The following PBK variants were observed in gnomAD, a reference collection of about 807,000 sequenced individuals.
PBK encodes the protein lymphokine-activated killer T-cell-originated protein kinase.
In PBK, 22 loss-of-function variants were observed where a neutral mutation model predicts 33.5. The ratio of observed to expected loss-of-function variants is 0.66; its 90% CI spans 0.47 to 0.94. PBK has a LOEUF of 0.94. Ranked by LOEUF, PBK falls within the 40% of genes least tolerant of loss-of-function variation. The pLI is 0.00. For missense variants in PBK, 376 were observed against 383.4 expected, an observed-to-expected ratio of 0.98 and a Z score of 0.16; for synonymous variants, 129 against 123.8, an observed-to-expected ratio of 1.04 and a Z score of -0.28.
At position 27,820,572 on chromosome 8, in the gene PBK, AT is replaced by A; in HGVS notation, c.587del (p.Asn196IlefsTer2). On this transcript the variant is annotated frameshift_variant, in exon 6 of 8. Coordinates refer to ENST00000301905, the MANE Select transcript of PBK (RefSeq NM_018492.4). LOFTEE classifies it high-confidence loss of function. ...DVGVSLPLDE[N>X]MTVTDPEACY... Reference sequence around the variant, plus strand: ...CTTAAGAGTACAACTTACCAGTCATATTTTCATCCAGTGGTAGAGAGACTCC... The same window carrying A: ...CTTAAGAGTACAACTTACCAGTCATATTTCATCCAGTGGTAGAGAGACTCC... The A allele has an allele frequency of 6.4e-7, 1 of 1,564,914 alleles. No homozygotes were observed. The highest frequency in any genetic ancestry group is 8.7e-7 in the Non-Finnish European group (1 of 1,149,246).
intron 2 of PBK, among the ~76,000 whole-genome samples, chr8:27,829,543 G>T (rs1806087935): frequency 6.6e-6 from 1 of 152,172 alleles, no homozygotes; most frequent in African/African-American, 2.4e-5. Context: ...CATGAAAGCA[G>T]CAAGAAAATA....
chr8:27,836,788 C>T (rs1180255436), intron 1 of PBK, among the ~76,000 whole-genome samples: 1 of 152,186 alleles, frequency 6.6e-6, no homozygotes, highest in Non-Finnish European at 1.5e-5. Context: ...AAACAGAAGT[C>T]GTAACATTTC....
At chr8:27,813,951 AC>A (rs112361624) in intron 6 of PBK, among the ~76,000 whole-genome samples, 2,927 of 152,226 alleles carry the variant, frequency 0.019, 102 homozygotes, top group African/African-American at 0.067. Context: ...TAGCAGGTGT[AC>A]ATGTTTATGT....
chr8:27,821,158 C>T (rs1805919870), intron 5 of PBK, among the ~76,000 whole-genome samples: 1 of 151,838 alleles, frequency 6.6e-6, no homozygotes, highest in Non-Finnish European at 1.5e-5. Flanking sequence ...GAGAAGGGAA[C>T]ATCCCATGTT....
rs1450936343 is a variant in PBK at position 27,810,291 on chromosome 8, A to G, written c.*14T>C. On this transcript the variant is annotated 3_prime_UTR_variant, in exon 8 of 8. Coordinates refer to ENST00000301905, the MANE Select transcript of PBK (RefSeq NM_018492.4). ...CAGTTATTTACGCAAGCCACACTTCAGCTGAGATGATCACTAGACATCTGT... is the reference window on the plus strand; with the variant it reads ...CAGTTATTTACGCAAGCCACACTTCGGCTGAGATGATCACTAGACATCTGT... The G allele has an allele frequency of 6.3e-7, 1 of 1,575,610 alleles. No individual in the cohort carries two copies. The highest frequency in any genetic ancestry group is 1.3e-5 in the African/African-American group (1 of 74,124).
At chr8:27,810,882 C>A (rs901158449) in intron 7 of PBK, 76 bp downstream of exon 7, 10 of 986,786 alleles carry the variant, frequency 1.0e-5, no homozygotes, top group Non-Finnish European at 1.4e-5. Context: ...TAATACATAT[C>A]TTAGAAAGAT....
chr8:27,809,637 G>C lies in PBK; in HGVS notation c.*668C>G, dbSNP rs1001265747. ...TGAGACACCTTCTGGTACCCAAAGTGTCCTTTATTCTTTATCATCCTATTT... is the reference window on the plus strand; with the variant it reads ...TGAGACACCTTCTGGTACCCAAAGTCTCCTTTATTCTTTATCATCCTATTT... On this transcript the variant is annotated 3_prime_UTR_variant, in exon 8 of 8. Transcript: ENST00000301905. 2 of 152,142 alleles carry C rather than the reference G, an allele frequency of 1.3e-5. No homozygotes were observed. The highest frequency in any genetic ancestry group is 4.8e-5 in the African/African-American group (2 of 41,436). 9.4% of individuals were successfully genotyped at this position (152,142 alleles called of 1,614,324 possible).
chr8:27,824,553 G>A (rs1805991739), intron 3 of PBK, among the ~76,000 whole-genome samples: 1 of 152,032 alleles, frequency 6.6e-6, no homozygotes, highest in Admixed American at 6.6e-5. Flanking sequence ...AATGGTCAAA[G>A]ACTTAGAAAA....
At chr8:27,826,508 A>C (rs1806025826) in intron 3 of PBK, among the ~76,000 whole-genome samples, 1 of 152,330 alleles carries the variant, frequency 6.6e-6, no homozygotes, top group African/African-American at 2.4e-5. Context: ...GTGTAGGGTC[A>C]GGCAGGCACT....
chr8:27,811,302 C>G (rs951756632), intron 6 of PBK, 168 bp from the exon 7 acceptor site: 9 of 629,198 alleles, frequency 1.4e-5, no homozygotes, highest in Non-Finnish European at 2.2e-5. Flanking sequence ...TTCTACCTTT[C>G]AGGTTGGTAA....
chr8:27,820,601 C>T lies in PBK; in HGVS notation c.559G>A (p.Val187Ile). ...GDFETIKICD[V>I]GVSLPLDENM... ...TCATCCAGTGGTAGAGAGACTCCTA[C>T]ATCACAGATTTTAATTGTTTCAAAA... The change falls in exon 6 of 8, where the codon GTA (valine) becomes ATA (isoleucine). Residue 187 changes from valine (V) to isoleucine (I), a missense_variant. Physicochemically the swap from Val to Ile is conservative, Grantham distance 29. Coordinates refer to ENST00000301905, the MANE Select transcript of PBK (RefSeq NM_018492.4). 6.3e-7 allele frequency: 1 copy of T among 1,577,458 alleles called. No homozygotes were observed.
intron 3 of PBK, among the ~76,000 whole-genome samples, chr8:27,823,718 G>C (rs1290865012): frequency 6.6e-6 from 1 of 152,016 alleles, no homozygotes; most frequent in African/African-American, 2.4e-5. Flanking sequence ...CATGCTCAAA[G>C]ATATGTGCTT....
chr8:27,816,355 A>ATATATT (rs1024094999), intron 6 of PBK, among the ~76,000 whole-genome samples: 2 of 140,944 alleles, frequency 1.4e-5, no homozygotes, highest in African/African-American at 5.4e-5. Flanking sequence ...ATATATATAT[A>ATATATT]TATTTATTTA....
chr8:27,813,613 T>C (rs890508699), intron 6 of PBK, among the ~76,000 whole-genome samples: 2 of 152,188 alleles, frequency 1.3e-5, no homozygotes, highest in African/African-American at 4.8e-5. Context: ...TATCACCTCA[T>C]ATAGTTACCA....
intron 2 of PBK, among the ~76,000 whole-genome samples, chr8:27,829,121 GCA>G (rs1806080980): frequency 6.6e-6 from 1 of 152,122 alleles, no homozygotes; most frequent in Non-Finnish European, 1.5e-5. Flanking sequence ...TCCAAAGAGA[GCA>G]CTCCAAAGAT....
In PBK at chr8:27,829,799, G is replaced by A. The variant is rs180707042; in HGVS notation, c.59-1601C>T. On this transcript the variant is annotated intron_variant, in intron 2 of 7. Transcript: ENST00000301905. ...GGAGAATGGCGTGAACCCAGGAGGCGGAGGTTACAGTGAGCTGAGATAGCG... is the reference window on the plus strand; with the variant it reads ...GGAGAATGGCGTGAACCCAGGAGGCAGAGGTTACAGTGAGCTGAGATAGCG... Among the ~76,000 whole-genome samples the A allele has an allele frequency of 7.0e-3, 1,066 of 151,860 alleles. 6 individuals are homozygous for A. Among genetic ancestry groups the A allele is most frequent in the African/African-American group, 0.024 (1,006 of 41,380 alleles).
At position 27,828,151 on chromosome 8, in the gene PBK, G is replaced by A; in HGVS notation, c.106C>T (p.Gln36Ter). 2 of 1,588,266 alleles carry A rather than the reference G, an allele frequency of 1.3e-6. No individual in the cohort carries two copies. Among genetic ancestry groups the A allele is most frequent in the Non-Finnish European group, 1.7e-6 (2 of 1,158,272 alleles). The change falls in exon 3 of 8, where the codon CAG (glutamine) becomes TAG (stop). Residue 36 changes from glutamine to a stop codon, truncating the protein, a stop_gained. Transcript: ENST00000301905. LOFTEE classifies it high-confidence loss of function. ...TINIPASPFMQKLGFGTGVNV... is the reference protein window; with the variant it reads ...TINIPASPFM ...ACCCCAGTACCAAAGCCAAGCTTCTGCATAAACGGAGAGGCCGGGATATTT... is the reference window on the plus strand; with the variant it reads ...ACCCCAGTACCAAAGCCAAGCTTCTACATAAACGGAGAGGCCGGGATATTT...
chr8:27,820,555 T>TACA lies in PBK; in HGVS notation c.595+7_595+9dup. 1 of 1,529,668 alleles carries TACA rather than the reference T, an allele frequency of 6.5e-7. No homozygotes were observed. The highest frequency in any genetic ancestry group is 8.9e-7 in the Non-Finnish European group (1 of 1,122,790). 94.8% of individuals were successfully genotyped at this position (1,529,668 alleles called of 1,614,324 possible). A position where few individuals can be genotyped will look rare whatever the true frequency, so the allele number is the denominator to read the frequency against. ...AAAACAAAATTTTAAAACTTAAGAG[T>TACA]ACAACTTACCAGTCATATTTTCATC... On this transcript the variant is annotated intron_variant, in intron 6 of 7. Coordinates refer to ENST00000301905, the MANE Select transcript of PBK (RefSeq NM_018492.4).
At chr8:27,824,033 C>T (rs563713587) in intron 3 of PBK, among the ~76,000 whole-genome samples, 2 of 152,162 alleles carry the variant, frequency 1.3e-5, no homozygotes, top group Admixed American at 6.5e-5. Context: ...GCTTTGGACT[C>T]CCTCACAGGT....
Sources: gnomAD v4.1 joint callset for allele counts (sites outside exome capture counted in the v4.1 genomes callset) on GRCh38, gnomAD v4.1.1 for gene constraint, MANE v1.5 for transcripts, NCBI Gene and HGNC (gene_info 2026-07-23, HGNC 2026-07-21) for gene names.